Variants in GLOD4 observed in about 807,000 individuals in gnomAD.
The protein encoded by GLOD4 is glyoxalase domain containing 4, also known as glyoxalase domain-containing protein 4.
GLOD4 carries 44 observed loss-of-function variants against 39.1 expected under a neutral mutation model. The ratio of observed to expected loss-of-function variants is 1.13; its 90% CI spans 0.88 to 1.45. The LOEUF is 1.45. GLOD4 is among the 40% of genes most tolerant of loss of function. The pLI is 0.00. For missense variants in GLOD4, 405 were observed against 366.4 expected (o/e 1.11, Z -0.86); for synonymous variants, 145 against 135.0 (o/e 1.07, Z -0.52).
chr17:772,062 G>A (rs1191453113), intron 4 of GLOD4, among the ~76,000 whole-genome samples: 1 of 146,632 alleles, frequency 6.8e-6, no homozygotes, highest in Non-Finnish European at 1.5e-5. Flanking sequence ...GGTGGCTCAT[G>A]TGTGTATTCC....
At chr17:776,751 T>C (rs771205400) in intron 3 of GLOD4, 117 bp downstream of exon 3, 136 of 788,926 alleles carry the variant, frequency 1.7e-4, no homozygotes, top group Non-Finnish European at 2.7e-4. Flanking sequence ...CTGACCTCTT[T>C]TGAGTCTCTG....
At chr17:763,723 T>C (rs373208229) in intron 8 of GLOD4, 1 of 152,184 alleles carries the variant, frequency 6.6e-6, no homozygotes, top group South Asian at 2.1e-4. Context: ...GTAATATTAC[T>C]GGAAGAAGAA....
At chr17:771,229 A>G in intron 5 of GLOD4, 96 bp downstream of exon 5, 2 of 710,086 alleles carry the variant, frequency 2.8e-6, no homozygotes, top group East Asian at 2.7e-5. Flanking sequence ...AACAACCTTC[A>G]TGTTAACTTC....
chr17:774,527 C>G (rs1597585042), intron 4 of GLOD4, among the ~76,000 whole-genome samples: 1 of 152,168 alleles, frequency 6.6e-6, no homozygotes, highest in East Asian at 1.9e-4. Context: ...CAAAACAAAC[C>G]CTGCAAAGTT....
chr17:778,936 C>G, intron 1 of GLOD4, 192 bp from the exon 2 acceptor site: 1 of 578,572 alleles, frequency 1.7e-6, no homozygotes, highest in Non-Finnish European at 3.1e-6. Context: ...CACCAAGGGT[C>G]AGGCTACCAA....
At chr17:773,935 ACATTGTCAAC>A (rs1424204785) in intron 4 of GLOD4, among the ~76,000 whole-genome samples, 2 of 152,244 alleles carry the variant, frequency 1.3e-5, no homozygotes, top group Admixed American at 1.3e-4. Context: ...AGGTCTGACC[ACATTGTCAAC>A]CAGAAATGCC....
At position 772,030 on chromosome 17, in the gene GLOD4, AAAAAAAAG is replaced by A. The variant is rs1394202047; in HGVS notation, c.407-577_407-570del. On this transcript the variant is annotated intron_variant, in intron 4 of 8. Coordinates refer to ENST00000301329, the MANE Select transcript of GLOD4 (RefSeq NM_016080.4). ...CTCTGTCTCAAAAAAAAAAAAAAAA[AAAAAAAAG>A]ATTAGACAGGCGTGGTGGCTCATGT... 8.5e-4 allele frequency among the ~76,000 whole-genome samples: 128 copies of A among 149,956 alleles called. 1 individual carries two copies. The highest frequency in any genetic ancestry group is 3.0e-3 in the African/African-American group (125 of 41,002).
intron 2 of GLOD4, 78 bp downstream of exon 2, chr17:778,617 C>G (rs780110462): frequency 3.4e-6 from 3 of 893,528 alleles, no homozygotes; most frequent in South Asian, 2.6e-5. Flanking sequence ...CTGCTTTATA[C>G]TCACTTTGAG....
rs917030332 is a variant in GLOD4 at position 759,433 on chromosome 17, T to C, written c.*740A>G. ...AACCAAACAAAACTACAAGAAAACA[T>C]TTTCAAAACCTTTTTTTTCAGGCTG... On this transcript the variant is annotated 3_prime_UTR_variant, in exon 9 of 9. Coordinates refer to ENST00000301329, the MANE Select transcript of GLOD4 (RefSeq NM_016080.4). 2.6e-5 allele frequency: 4 copies of C among 152,174 alleles called. No homozygotes were observed. The highest frequency in any genetic ancestry group is 1.3e-4 in the Admixed American group (2 of 15,288). The allele number at this position is 152,174 out of a possible 1,614,324, so 9.4% of individuals were successfully genotyped here.
chr17:770,305 C>A, intron 6 of GLOD4, 116 bp downstream of exon 6: 1 of 772,572 alleles, frequency 1.3e-6, no homozygotes, highest in South Asian at 1.5e-5. Flanking sequence ...GAAACAACTG[C>A]TGAACTTGAT....
In GLOD4 at chr17:763,020, CA is replaced by C. The variant is rs1395390021; in HGVS notation, c.832-2783del. On this transcript the variant is annotated intron_variant, in intron 8 of 8. Coordinates refer to ENST00000301329, the MANE Select transcript of GLOD4 (RefSeq NM_016080.4). ...TGAAACCCCGTCTCTACTAAAAATACAAAAAAATTAGCCAGGTGTGGTGGTG... is the reference window on the plus strand; with the variant it reads ...TGAAACCCCGTCTCTACTAAAAATACAAAAAATTAGCCAGGTGTGGTGGTG... Among the ~76,000 whole-genome samples, 157 of 151,700 alleles carry C rather than the reference CA, an allele frequency of 1.0e-3. 2 individuals are homozygous for C. Among genetic ancestry groups the C allele is most frequent in the African/African-American group, 3.7e-3 (153 of 41,336 alleles).
intron 8 of GLOD4, among the ~76,000 whole-genome samples, chr17:766,370 C>T (rs1055514254): frequency 1.3e-5 from 2 of 150,696 alleles, no homozygotes; most frequent in Non-Finnish European, 3.0e-5. Flanking sequence ...CCAAGGCAGA[C>T]GGATCGCCTG....
intron 8 of GLOD4, 67 bp downstream of exon 8, chr17:769,802 C>A: frequency 1.0e-6 from 1 of 961,586 alleles, no homozygotes; most frequent in South Asian, 1.3e-5. Flanking sequence ...GCTTAGTCTC[C>A]TCCCACACAC....
At position 776,071 on chromosome 17, in the gene GLOD4, C is replaced by G; in HGVS notation, c.262-152G>C. 3 of 611,422 alleles carry G rather than the reference C, an allele frequency of 4.9e-6. No homozygotes were observed. In the South Asian group the frequency reaches 6.2e-5, roughly 13 times the overall value. 37.9% of individuals were successfully genotyped at this position (611,422 alleles called of 1,614,324 possible). On this transcript the variant is annotated intron_variant, in intron 3 of 8. Coordinates refer to ENST00000301329, the MANE Select transcript of GLOD4 (RefSeq NM_016080.4). ...ACATTTTCTTCTAGTGATTTAAAAACAGGTTTTCAATGTTTTATCCCACAA... is the reference window on the plus strand; with the variant it reads ...ACATTTTCTTCTAGTGATTTAAAAAGAGGTTTTCAATGTTTTATCCCACAA...
upstream of GLOD4, chr17:783,195 A>T: frequency 6.2e-7 from 1 of 1,614,134 alleles, no homozygotes; most frequent in Admixed American, 1.7e-5. Context: ...TGTGCCAAAA[A>T]TGTTCTTCTT....
chr17:783,571 A>C, upstream of GLOD4: 1 of 350,616 alleles, frequency 2.9e-6, no homozygotes, highest in Non-Finnish European at 5.4e-6. Context: ...TTGTGACCTC[A>C]GGTGATCCTC....
At chr17:763,029 T>C (rs1295397381) in intron 8 of GLOD4, among the ~76,000 whole-genome samples, 1 of 151,388 alleles carries the variant, frequency 6.6e-6, no homozygotes, top group Non-Finnish European at 1.5e-5. Flanking sequence ...ACAAAAAAAT[T>C]AGCCAGGTGT....
Position 779,256 on chromosome 17 carries a change from G to C in GLOD4, c.91-512C>G, listed in dbSNP as rs567078492. On this transcript the variant is annotated intron_variant, in intron 1 of 8. Coordinates refer to ENST00000301329, the MANE Select transcript of GLOD4 (RefSeq NM_016080.4). ...CTTGGACCATGAGATGGAGGTTGCA[G>C]TGAGCCGAGATCGTGCCCCTGCACT... is the stretch of plus-strand genomic sequence containing the variant. Among the ~76,000 whole-genome samples, 17 of 142,356 alleles carry C rather than the reference G, an allele frequency of 1.2e-4. No homozygotes were observed. The South Asian group carries it at 3.2e-3, about 27-fold the overall frequency. The allele number at this position is 142,356 out of a possible 152,430, so 93.4% of individuals were successfully genotyped here.
At chr17:761,338 T>TA (rs1567787295) in intron 8 of GLOD4, among the ~76,000 whole-genome samples, 1 of 152,154 alleles carries the variant, frequency 6.6e-6, no homozygotes. Flanking sequence ...GTTTCATTTC[T>TA]AAAAAATCTT....
Sources: allele counts gnomAD v4.1 joint callset (sites outside exome capture counted in the v4.1 genomes callset), GRCh38; gene constraint gnomAD v4.1.1; transcripts MANE v1.5; gene names NCBI Gene and HGNC (gene_info 2026-07-23, HGNC 2026-07-21).